Variants in DHX34 observed in about 807,000 individuals in gnomAD.
The protein encoded by DHX34 is probable ATP-dependent RNA helicase DHX34.
DHX34 carries 96 observed loss-of-function variants against 111.1 expected under a neutral mutation model. The ratio of observed to expected loss-of-function variants is 0.86; its 90% CI spans 0.73 to 1.02. The LOEUF is 1.02. Ranked by LOEUF, DHX34 falls within the 50% of genes least tolerant of loss-of-function variation. The probability of loss-of-function intolerance (pLI) is 0.00; values close to 1 mark genes in which losing one functional copy is unlikely to be tolerated. For synonymous variants in DHX34, 688 were observed against 670.4 expected (o/e 1.03, Z -0.41); for missense variants, 1,560 against 1,579.9 (o/e 0.99, Z 0.21).
In DHX34 at chr19:47,355,279, A is replaced by G; in HGVS notation, c.946A>G (p.Ile316Val). The G allele has an allele frequency of 7.4e-6, 12 of 1,614,042 alleles. No homozygotes were observed. In the African/African-American group the frequency reaches 8.0e-5, roughly 11 times the overall value. Residue 316 changes from isoleucine (I) to valine (V), a missense_variant, in exon 3 of 17, where the codon ATC (isoleucine) becomes GTC (valine). Coordinates refer to ENST00000328771, the MANE Select transcript of DHX34 (RefSeq NM_014681.6). ...KVILMSATIN[I>V]SLFSSYFSNA... ...CATCCTCATGTCGGCCACCATCAAC[A>G]TCTCGCTCTTCTCCAGCTATTTCAG... is the stretch of plus-strand genomic sequence containing the variant.
chr19:47,379,501 G>GC, intron 13 of DHX34: 1 of 831,224 alleles, frequency 1.2e-6, no homozygotes, highest in Non-Finnish European at 1.5e-6. Flanking sequence ...CGCCACCCCA[G>GC]CCCCCTTCCC....
Position 47,357,855 on chromosome 19 carries a change from TCTC to T in DHX34, c.1018-7_1018-5del, listed in dbSNP as rs1969502664. ...CAGGGTGTGCTTCTACCTGGGGCTG[TCTC>T]CTCTCAGGTTGTGTACCAGCCGCAG... On this transcript the variant is annotated splice_polypyrimidine_tract_variant and splice_region_variant and intron_variant, in intron 3 of 16. Transcript: ENST00000328771. 1 of 1,607,246 alleles carries T rather than the reference TCTC, an allele frequency of 6.2e-7. No individual in the cohort carries two copies. The highest frequency in any genetic ancestry group is 8.5e-7 in the Non-Finnish European group (1 of 1,175,108).
intron 13 of DHX34, 66 bp downstream of exon 13, chr19:47,377,272 TGG>T: frequency 1.3e-6 from 2 of 1,525,926 alleles, no homozygotes; most frequent in Non-Finnish European, 1.8e-6. Flanking sequence ...GGGTGGTGGG[TGG>T]GGGCACCGCG....
chr19:47,371,987 A>G (rs977735066), intron 7 of DHX34, among the ~76,000 whole-genome samples: 2 of 151,592 alleles, frequency 1.3e-5, no homozygotes, highest in Non-Finnish European at 2.9e-5. Context: ...TCGGGCGCCC[A>G]GAACCAGGGG....
intron 9 of DHX34, among the ~76,000 whole-genome samples, chr19:47,374,131 AAG>A (rs1204129977): frequency 3.9e-5 from 6 of 152,194 alleles, no homozygotes; most frequent in East Asian, 1.9e-4. Flanking sequence ...CCTCGATAAA[AAG>A]AGAGGATAAA....
intron 15 of DHX34, 80 bp from the exon 16 acceptor site, chr19:47,381,106 C>T: frequency 6.3e-7 from 1 of 1,583,602 alleles, no homozygotes; most frequent in East Asian, 2.2e-5. Context: ...CTGAGGGCTT[C>T]TGGGAAGGGT....
At chr19:47,380,755 G>C in intron 14 of DHX34, 61 bp from the exon 15 acceptor site, 1 of 1,603,816 alleles carries the variant, frequency 6.2e-7, no homozygotes, top group Non-Finnish European at 8.5e-7. Flanking sequence ...GCTGGATCCA[G>C]GTGCTTTGGC....
chr19:47,379,989 C>CGTA lies in DHX34; in HGVS notation c.2982+4_2982+5insGTA, dbSNP rs1568408940. 6.3e-7 allele frequency: 1 copy of CGTA among 1,576,852 alleles called. No individual in the cohort carries two copies. The highest frequency in any genetic ancestry group is 1.7e-5 in the Admixed American group (1 of 58,736). Reference sequence around the variant, plus strand: ...CCTGCAATTCACGGCATCCAAGGTACCCTCCACCAGGGTGCCCGTGCCTCC... The same window carrying CGTA: ...CCTGCAATTCACGGCATCCAAGGTACGTACCTCCACCAGGGTGCCCGTGCCTCC... On this transcript the variant is annotated splice_donor_region_variant and intron_variant, in intron 14 of 16. Transcript: ENST00000328771.
chr19:47,368,659 CACAT>C (rs1226506405), intron 7 of DHX34, among the ~76,000 whole-genome samples: 35 of 144,424 alleles, frequency 2.4e-4, no homozygotes, highest in South Asian at 4.4e-4. Flanking sequence ...CACACACACA[CACAT>C]ACACACACAT....
rs374533361 is a variant in DHX34 at position 47,361,286 on chromosome 19, C to T, written c.1376-1190C>T. ...CAGCCTGGACAACATGGTGAAACTC[C>T]GCCCCTACTAAAAATACAAAAATTA... On this transcript the variant is annotated intron_variant, in intron 5 of 16. Transcript: ENST00000328771. 6.3e-4 allele frequency among the ~76,000 whole-genome samples: 95 copies of T among 151,460 alleles called. 1 individual carries two copies. In the East Asian group the frequency reaches 0.011, roughly 17 times the overall value.
intron 7 of DHX34, among the ~76,000 whole-genome samples, chr19:47,369,586 A>G (rs1969904562): frequency 6.6e-6 from 1 of 152,240 alleles, no homozygotes; most frequent in Non-Finnish European, 1.5e-5. Flanking sequence ...TAAATGAGTG[A>G]AAACACGGAA....
At chr19:47,365,748 CCTT>C (rs750739898) in intron 6 of DHX34, among the ~76,000 whole-genome samples, 6 of 152,144 alleles carry the variant, frequency 3.9e-5, no homozygotes, top group South Asian at 2.1e-4. Context: ...GCCAGCCTCT[CCTT>C]CTTCCAGTCA....
At chr19:47,359,773 C>G (rs1351925842) in intron 4 of DHX34, 195 bp from the exon 5 acceptor site, 2 of 894,176 alleles carry the variant, frequency 2.2e-6, no homozygotes, top group African/African-American at 1.8e-5. Flanking sequence ...CAGAGCAAGA[C>G]TCCGTCTGAG....
rs1297922501 is a variant in DHX34 at position 47,382,144 on chromosome 19, C to T, written c.*31C>T. 2 of 1,611,356 alleles carry T rather than the reference C, an allele frequency of 1.2e-6. No individual in the cohort carries two copies. Among genetic ancestry groups the T allele is most frequent in the Admixed American group, 3.4e-5 (2 of 59,506 alleles). The stretch of plus-strand genomic sequence containing the variant: ...GCCAGGAGCCCTGCCCACCTCCGTG[C>T]AGCTGACCTGCCCTCCAGCCCAGGA... On this transcript the variant is annotated 3_prime_UTR_variant, in exon 17 of 17. Coordinates refer to ENST00000328771, the MANE Select transcript of DHX34 (RefSeq NM_014681.6).
At chr19:47,368,095 C>T (rs1217680657) in intron 7 of DHX34, among the ~76,000 whole-genome samples, 1 of 149,902 alleles carries the variant, frequency 6.7e-6, no homozygotes, top group Non-Finnish European at 1.5e-5. Context: ...GCTCAGTAGC[C>T]ATGTGTGGCC....
intron 3 of DHX34, among the ~76,000 whole-genome samples, chr19:47,356,796 A>G (rs1478892919): frequency 6.6e-6 from 1 of 151,996 alleles, no homozygotes; most frequent in Non-Finnish European, 1.5e-5. Context: ...TCTACTAAAA[A>G]TGCAAAAATT....
At position 47,376,552 on chromosome 19, in the gene DHX34, G is replaced by A; in HGVS notation, c.2591G>A (p.Gly864Glu). 6.4e-7 allele frequency: 1 copy of A among 1,560,966 alleles called. No homozygotes were observed. The highest frequency in any genetic ancestry group is 8.7e-7 in the Non-Finnish European group (1 of 1,153,252). The change falls in exon 12 of 17, where the codon GGA (glycine) becomes GAA (glutamate). Residue 864 changes from glycine (G) to glutamate (E), a missense_variant. Transcript: ENST00000328771. ...GAGCTGGAGGCCAGCAACTGCGACG[G>A]AAGCCGAGGTACAGTGAGCCCAGGC... ...AQELEASNCDGSRDDKDKMSS... is the reference protein window; with the variant it reads ...AQELEASNCDESRDDKDKMSS...
intron 3 of DHX34, among the ~76,000 whole-genome samples, chr19:47,356,680 G>A (rs895221816): frequency 2.0e-5 from 3 of 151,730 alleles, no homozygotes; most frequent in Non-Finnish European, 4.4e-5. Context: ...CGAGCCGAGT[G>A]TGGTGGCTCA....
Position 47,362,580 on chromosome 19 carries a change from C to A in DHX34, c.1480C>A (p.Arg494Ser), listed in dbSNP as rs373992735. 6.2e-7 allele frequency: 1 copy of A among 1,613,636 alleles called. No individual in the cohort carries two copies. The highest frequency in any genetic ancestry group is 8.5e-7 in the Non-Finnish European group (1 of 1,179,904). ...SAEQRKGRAGRTGPGVCFRLY... is the reference protein window; with the variant it reads ...SAEQRKGRAGSTGPGVCFRLY... ...AGAGCAGCGGAAGGGCCGGGCGGGC[C>A]GCACGGGCCCCGGAGTCTGCTTCCG... The change falls in exon 6 of 17, where the codon CGC (arginine) becomes AGC (serine). Residue 494 changes from arginine (R) to serine (S), a missense_variant. Arg to Ser is a moderately radical substitution (Grantham distance 110, BLOSUM62 -1). Transcript: ENST00000328771.
Sources: gnomAD v4.1 joint callset for allele counts (sites outside exome capture counted in the v4.1 genomes callset) on GRCh38, gnomAD v4.1.1 for gene constraint, MANE v1.5 for transcripts, NCBI Gene and HGNC (gene_info 2026-07-23, HGNC 2026-07-21) for gene names.